NFATC1: variants seen among roughly 807,000 people sequenced by gnomAD.
NFATC1 encodes nuclear factor of activated T cells 1, also known as nuclear factor of activated T-cells, cytoplasmic 1.
In NFATC1, 22 loss-of-function variants were observed where a neutral mutation model predicts 76.0. That is an observed-to-expected ratio of 0.29 (90% CI 0.21 to 0.41). The LOEUF is 0.41. Ranked by LOEUF, NFATC1 falls within the 10% of genes least tolerant of loss-of-function variation. The pLI, the probability that NFATC1 is intolerant of heterozygous loss-of-function variation, is 1.00. For synonymous variants in NFATC1, 704 were observed against 613.1 expected (o/e 1.15, Z -2.19); for missense variants, 1,357 against 1,337.7 (o/e 1.01, Z -0.23).
At chr18:79,488,082 G>C (rs958561231) in intron 9 of NFATC1, among the ~76,000 whole-genome samples, 12 of 152,302 alleles carry the variant, frequency 7.9e-5, no homozygotes, top group African/African-American at 2.4e-4. Flanking sequence ...TGACCCAGGG[G>C]GGGCAGGGAC....
chr18:79,467,532 G>T lies in NFATC1; in HGVS notation c.2042G>T (p.Gly681Val), dbSNP rs777807697. The part of the protein sequence containing the change: ...PVHVSFYVCN[G>V]KRKRSQYQRF... ...CACGTCAGTTTCTACGTCTGCAACGGGAAGAGAAAGCGAAGCCAGTACCAG... is the reference window on the plus strand; with the variant it reads ...CACGTCAGTTTCTACGTCTGCAACGTGAAGAGAAAGCGAAGCCAGTACCAG... Residue 681 changes from glycine (G) to valine (V), a missense_variant, in exon 8 of 10, where the codon GGG becomes GTG. By Grantham distance (109) the Gly-to-Val change is moderately radical. Around this residue, in one of 3 missense-constraint regions of NFATC1, gnomAD observed 424 missense variants for 395.4 expected, o/e 1.07. Coordinates refer to ENST00000427363, the MANE Select transcript of NFATC1 (RefSeq NM_001278669.2). 6 of 1,614,012 alleles carry T rather than the reference G, an allele frequency of 3.7e-6. No individual in the cohort carries two copies. In the South Asian group the frequency reaches 6.6e-5, roughly 18 times the overall value.
intron 9 of NFATC1, among the ~76,000 whole-genome samples, chr18:79,500,933 T>C (rs1028952639): frequency 6.6e-6 from 1 of 152,162 alleles, no homozygotes; most frequent in Non-Finnish European, 1.5e-5. Context: ...ATAATACCAG[T>C]GCCAATACTC....
intron 9 of NFATC1, among the ~76,000 whole-genome samples, chr18:79,491,748 A>G (rs981120276): frequency 2.0e-5 from 3 of 152,190 alleles, no homozygotes; most frequent in Non-Finnish European, 4.4e-5. Flanking sequence ...CTGCGAACCA[A>G]GCAGTGGTGG....
intron 2 of NFATC1, chr18:79,421,897 G>A (rs2086107041): frequency 6.6e-6 from 1 of 152,302 alleles, no homozygotes; most frequent in African/African-American, 2.4e-5. Flanking sequence ...GACCCCGAGG[G>A]CCAAGGGTGC....
chr18:79,429,763 T>C lies in NFATC1; in HGVS notation c.1227-3816T>C, dbSNP rs193049709. Among the ~76,000 whole-genome samples the C allele has an allele frequency of 1.1e-3, 165 of 152,372 alleles. 1 individual carries two copies. The East Asian group carries it at 0.028, about 26-fold the overall frequency. On this transcript the variant is annotated intron_variant, in intron 2 of 9. Transcript: ENST00000427363. Reference sequence around the variant, plus strand: ...CATCTTAATTGTCTGGATTATGATATTTATTTTGTAAACCATTCTTGCTGT... The same window carrying C: ...CATCTTAATTGTCTGGATTATGATACTTATTTTGTAAACCATTCTTGCTGT...
intron 8 of NFATC1, chr18:79,469,726 C>G (rs1381162393): frequency 2.0e-6 from 2 of 985,792 alleles, no homozygotes; most frequent in Admixed American, 6.1e-5. Flanking sequence ...CGTTCTCCCT[C>G]TCTTTGCCTC....
At chr18:79,479,534 T>C (rs1033168364) in intron 8 of NFATC1, among the ~76,000 whole-genome samples, 1 of 152,258 alleles carries the variant, frequency 6.6e-6, no homozygotes, top group African/African-American at 2.4e-5. Flanking sequence ...AGGTGCAGTA[T>C]GTTCGTGTGT....
At chr18:79,511,312 C>G (rs562704964) in intron 9 of NFATC1, among the ~76,000 whole-genome samples, 2 of 152,332 alleles carry the variant, frequency 1.3e-5, no homozygotes, top group East Asian at 1.9e-4. Context: ...TGCCTCCCCC[C>G]TCCCCGCTGC....
chr18:79,475,415 C>T (rs572787120), intron 8 of NFATC1, among the ~76,000 whole-genome samples: 136 of 144,906 alleles, frequency 9.4e-4, no homozygotes, highest in East Asian at 5.9e-3. Context: ...TCACCGTCGA[C>T]GTTGTAAACC....
chr18:79,446,300 A>C (rs1292060229), intron 3 of NFATC1, among the ~76,000 whole-genome samples: 2 of 152,184 alleles, frequency 1.3e-5, no homozygotes, highest in Non-Finnish European at 2.9e-5. Context: ...AGCATTCCAC[A>C]CACCATCAGA....
intron 3 of NFATC1, among the ~76,000 whole-genome samples, chr18:79,436,372 T>G (rs938780265): frequency 1.3e-5 from 2 of 152,226 alleles, no homozygotes; most frequent in Non-Finnish European, 2.9e-5. Context: ...GAATCGTCTG[T>G]CCGCTGCATC....
chr18:79,476,364 G>A lies in NFATC1; in HGVS notation c.2092+8782G>A, dbSNP rs374767402. On this transcript the variant is annotated intron_variant, in intron 8 of 9. Coordinates refer to ENST00000427363, the MANE Select transcript of NFATC1 (RefSeq NM_001278669.2). ...AGTCACGCGCCCCACAGAACACGGCGGGCAGCGCGGGCGAGGATTGGCGAA... is the reference window on the plus strand; with the variant it reads ...AGTCACGCGCCCCACAGAACACGGCAGGCAGCGCGGGCGAGGATTGGCGAA... Among the ~76,000 whole-genome samples, 13 of 152,380 alleles carry A rather than the reference G, an allele frequency of 8.5e-5. No individual in the cohort carries two copies. The East Asian group carries it at 9.6e-4, about 11-fold the overall frequency.
intron 2 of NFATC1, chr18:79,421,076 T>C (rs964129413): frequency 6.6e-6 from 1 of 152,246 alleles, no homozygotes; most frequent in African/African-American, 2.4e-5. Context: ...AGGTTCTAGT[T>C]TATGGGAGGA....
chr18:79,487,280 C>T (rs949047303), intron 9 of NFATC1, among the ~76,000 whole-genome samples: 3 of 152,238 alleles, frequency 2.0e-5, no homozygotes, highest in Non-Finnish European at 4.4e-5. Flanking sequence ...GGCTCAGGCT[C>T]AAAGCCCTGA....
intron 9 of NFATC1, among the ~76,000 whole-genome samples, chr18:79,525,796 G>A (rs1054142262): frequency 2.6e-5 from 4 of 152,222 alleles, no homozygotes; most frequent in African/African-American, 9.6e-5. Context: ...GGCCTGTTCT[G>A]AGCTACCTGA....
intron 3 of NFATC1, among the ~76,000 whole-genome samples, chr18:79,436,294 CTGGGAGCCGT>C (rs1171792269): frequency 6.6e-6 from 1 of 152,254 alleles, no homozygotes; most frequent in Non-Finnish European, 1.5e-5. Context: ...GTCAGAGCCA[CTGGGAGCCGT>C]TGGGAACAAC....
At position 79,448,834 on chromosome 18, in the gene NFATC1, C is replaced by T. The variant is rs202124742; in HGVS notation, c.1439C>T (p.Thr480Met). 1.1e-5 allele frequency: 17 copies of T among 1,613,880 alleles called. No individual in the cohort carries two copies. The highest frequency in any genetic ancestry group is 4.5e-5 in the East Asian group (2 of 44,888). ...CTGATGCTGCAGCTTTTCATTGGGA[C>T]GGCGGACGACCGCCTGCTGCGCCCG... ...EPLMLQLFIG[T>M]ADDRLLRPHA... The change falls in exon 4 of 10, where the codon ACG becomes ATG. Residue 480 changes from threonine to methionine, a missense_variant. Coordinates refer to ENST00000427363, the MANE Select transcript of NFATC1 (RefSeq NM_001278669.2).
chr18:79,399,911 C>T (rs961165625), intron 1 of NFATC1, among the ~76,000 whole-genome samples: 6 of 152,132 alleles, frequency 3.9e-5, no homozygotes, highest in Non-Finnish European at 8.8e-5. Context: ...GCGCACGTGG[C>T]GCTCGGGGGT....
intron 1 of NFATC1, chr18:79,400,215 C>T: frequency 1.7e-6 from 2 of 1,188,902 alleles, no homozygotes; most frequent in East Asian, 3.8e-5. Flanking sequence ...CGGAAGCCGG[C>T]GGCCGCGAGC....
Sources: gnomAD v4.1 joint callset for allele counts (sites outside exome capture counted in the v4.1 genomes callset) on GRCh38, gnomAD v4.1.1 for gene constraint, gnomAD v4.1.1 regional missense constraint, MANE v1.5 for transcripts, NCBI Gene and HGNC (gene_info 2026-07-23, HGNC 2026-07-21) for gene names.